Variants in ZNF787 observed in about 807,000 individuals in gnomAD.
ZNF787 encodes the protein TTF-I-interacting peptide 20.
In ZNF787, 7 loss-of-function variants were observed where a neutral mutation model predicts 16.9. The ratio of observed to expected loss-of-function variants is 0.42; its 90% CI spans 0.24 to 0.78. The LOEUF is 0.78. ZNF787 is among the 30% of genes least tolerant of loss of function. ZNF787 has a pLI of 0.30. For missense variants in ZNF787, 551 were observed against 589.3 expected (o/e 0.94, Z 0.67); for synonymous variants, 345 against 270.9 (o/e 1.27, Z -2.69).
chr19:56,114,245 G>C (rs1427948664), intron 1 of ZNF787, among the ~76,000 whole-genome samples: 1 of 152,160 alleles, frequency 6.6e-6, no homozygotes, highest in Non-Finnish European at 1.5e-5. Context: ...GACAGGCTCA[G>C]TCCTGGCCAG....
intron 1 of ZNF787, among the ~76,000 whole-genome samples, chr19:56,113,931 G>C (rs2030055753): frequency 1.3e-5 from 2 of 152,272 alleles, no homozygotes; most frequent in South Asian, 2.1e-4. Flanking sequence ...CCGGGTTCAA[G>C]GGATTCTCCT....
rs758881608 is a variant in ZNF787 at position 56,102,957 on chromosome 19, T to A, written c.79+182A>T. 5 of 726,240 alleles carry A rather than the reference T, an allele frequency of 6.9e-6. No individual in the cohort carries two copies. The South Asian group carries it at 7.3e-5, about 11-fold the overall frequency. The allele number at this position is 726,240 out of a possible 1,614,324, so 45.0% of individuals were successfully genotyped here. ...GAAAGGAAACTTGGAGCCACAACAC[T>A]AGCCCTCCCTCTACAGCCAGGAGTG... is the stretch of plus-strand genomic sequence containing the variant. On this transcript the variant is annotated intron_variant, in intron 2 of 2. Coordinates refer to ENST00000610935, the MANE Select transcript of ZNF787 (RefSeq NM_001002836.4).
chr19:56,116,275 A>G (rs1487186203), intron 1 of ZNF787, among the ~76,000 whole-genome samples: 2 of 152,102 alleles, frequency 1.3e-5, no homozygotes, highest in Non-Finnish European at 2.9e-5. Context: ...CCCCATCTCT[A>G]CTAAAAAATA....
chr19:56,117,373 C>T (rs1466332887), intron 1 of ZNF787, among the ~76,000 whole-genome samples: 2 of 151,386 alleles, frequency 1.3e-5, no homozygotes, highest in African/African-American at 4.8e-5. Context: ...CTTCCACAAG[C>T]GGAGTGGCTA....
chr19:56,088,230 C>A lies in ZNF787; in HGVS notation c.942G>T (p.Glu314Asp). The change falls in exon 3 of 3, where the codon GAG becomes GAT. Residue 314 changes from glutamate (E) to aspartate (D), a missense_variant. By Grantham distance (45) the Glu-to-Asp change is conservative (BLOSUM62 2). Transcript: ENST00000610935. The surrounding 1 kb of genome is among the most constrained non-coding windows in gnomAD (Gnocchi z 8.6). ...CGCACTCCACGCAGATGTGGGCCGG[C>A]TCCTCGCCCCCCGCCGCCCCGAGCC... Reference protein sequence around the residue: ...GDGLGAAGGEEPAHICVECGE... With the variant: ...GDGLGAAGGEDPAHICVECGE... The A allele has an allele frequency of 6.0e-6, 9 of 1,497,242 alleles. No individual in the cohort carries two copies. Among genetic ancestry groups the A allele is most frequent in the Non-Finnish European group, 8.0e-6 (9 of 1,128,774 alleles). 92.7% of individuals were successfully genotyped at this position (1,497,242 alleles called of 1,614,324 possible). A position where few individuals can be genotyped will look rare whatever the true frequency, so the allele number is the denominator to read the frequency against.
chr19:56,102,309 G>C (rs759796553), intron 2 of ZNF787: 7 of 152,744 alleles, frequency 4.6e-5, no homozygotes, highest in Admixed American at 2.0e-4. Context: ...TGCAGAAAAG[G>C]TCTGCTGAGC....
intron 2 of ZNF787, among the ~76,000 whole-genome samples, chr19:56,100,701 G>A (rs547623920): frequency 7.0e-4 from 105 of 149,654 alleles, no homozygotes; most frequent in Middle Eastern, 3.4e-3. Context: ...ACATAAGCGG[G>A]ACCCCACATG....
At chr19:56,089,183 T>TC (rs1257616158) in intron 2 of ZNF787, 91 bp from the exon 3 acceptor site, 2 of 958,136 alleles carry the variant, frequency 2.1e-6, no homozygotes, top group East Asian at 3.0e-5. Context: ...GGTGCCTCGC[T>TC]CCCCCTGGCG....
At chr19:56,090,496 G>A (rs1165090537) in intron 2 of ZNF787, among the ~76,000 whole-genome samples, 1 of 152,062 alleles carries the variant, frequency 6.6e-6, no homozygotes. Flanking sequence ...CCTGCGACCA[G>A]TAGCATCGGC....
intron 2 of ZNF787, 192 bp downstream of exon 2, chr19:56,102,947 G>T: frequency 1.4e-6 from 1 of 718,278 alleles, no homozygotes; most frequent in Non-Finnish European, 2.5e-6. Context: ...GAAACTTGGA[G>T]CCACAACACT....
At position 56,088,061 on chromosome 19, in the gene ZNF787, C is replaced by T. The variant is rs750463672; in HGVS notation, c.1111G>A (p.Gly371Arg). The T allele has an allele frequency of 1.1e-5, 16 of 1,434,934 alleles. No homozygotes were observed. The highest frequency in any genetic ancestry group is 1.1e-4 in the Admixed American group (4 of 35,944). The allele number at this position is 1,434,934 out of a possible 1,614,324, so 88.9% of individuals were successfully genotyped here. A position where few individuals can be genotyped will look rare whatever the true frequency, so the allele number is the denominator to read the frequency against. ...CCACCGCGGCACTCGGGGCACCGCC[C>T]GCCCGCGGCCTCGTCGTCGTCGTCC... is the stretch of plus-strand genomic sequence containing the variant. ...EEDDDDEAAG[G>R]RCPECRGGEG... Residue 371 changes from glycine to arginine, a missense_variant, in exon 3 of 3, where the codon GGG becomes AGG. By Grantham distance (125) the Gly-to-Arg change is moderately radical. Around this residue, in one of 4 missense-constraint regions of ZNF787, gnomAD observed 392 missense variants for 312.7 expected, o/e 1.25. Transcript: ENST00000610935. The surrounding 1 kb of genome is among the most constrained non-coding windows in gnomAD (Gnocchi z 8.6).
chr19:56,098,118 A>C (rs1985939817), intron 2 of ZNF787, among the ~76,000 whole-genome samples: 1 of 151,956 alleles, frequency 6.6e-6, no homozygotes, highest in South Asian at 2.1e-4. Context: ...CATGGAAGGA[A>C]CATGTGCCAG....
At position 56,116,311 on chromosome 19, in the gene ZNF787, G is replaced by A. The variant is rs139652563; in HGVS notation, c.-11+4861C>T. 8.7e-3 allele frequency among the ~76,000 whole-genome samples: 1,317 copies of A among 152,106 alleles called. 22 individuals carry two copies. The highest frequency in any genetic ancestry group is 0.029 in the African/African-American group (1,208 of 41,480). On this transcript the variant is annotated intron_variant, in intron 1 of 2. Coordinates refer to ENST00000610935, the MANE Select transcript of ZNF787 (RefSeq NM_001002836.4). ...CAAAAAATTAGCCAGGCATGGTGGC[G>A]GGCGCCTGTAGTCCCAGCTACCGGG...
intron 1 of ZNF787, chr19:56,103,550 C>T (rs1345362719): frequency 2.8e-5 from 10 of 351,870 alleles, no homozygotes; most frequent in Admixed American, 1.8e-4. Flanking sequence ...CGCCTCCTCG[C>T]GCCTCAGCTT....
chr19:56,090,180 C>T (rs2123388712), intron 2 of ZNF787, among the ~76,000 whole-genome samples: 1 of 152,346 alleles, frequency 6.6e-6, no homozygotes, highest in Admixed American at 6.5e-5. Flanking sequence ...AAACACCCTC[C>T]CAGATGCCAC....
intron 1 of ZNF787, among the ~76,000 whole-genome samples, chr19:56,103,853 G>A (rs1374959471): frequency 4.4e-5 from 4 of 90,262 alleles, no homozygotes; most frequent in African/African-American, 1.8e-4. Flanking sequence ...CTCTACGCAC[G>A]ACACCGCCGA....
chr19:56,117,082 C>T (rs1485247642), intron 1 of ZNF787, among the ~76,000 whole-genome samples: 2 of 152,190 alleles, frequency 1.3e-5, no homozygotes, highest in Non-Finnish European at 2.9e-5. Flanking sequence ...GCCACATGAC[C>T]TGGGCAAGGT....
rs1985351915 is a variant in ZNF787 at position 56,087,847 on chromosome 19, TAATACGCCCCAGTGCCCCCCCACGGA to T, written c.*150_*175del. On this transcript the variant is annotated 3_prime_UTR_variant, in exon 3 of 3. Coordinates refer to ENST00000610935, the MANE Select transcript of ZNF787 (RefSeq NM_001002836.4). ...TCGAGGCGGAGAAGTGAACGGGCCCTAATACGCCCCAGTGCCCCCCCACGGACGGCGCAGGGACAGAGGAGGGCGGG... is the reference window on the plus strand; with the variant it reads ...TCGAGGCGGAGAAGTGAACGGGCCCTCGGCGCAGGGACAGAGGAGGGCGGG... 2 of 1,064,394 alleles carry T rather than the reference TAATACGCCCCAGTGCCCCCCCACGGA, an allele frequency of 1.9e-6. No individual in the cohort carries two copies. Among genetic ancestry groups the T allele is most frequent in the Non-Finnish European group, 2.4e-6 (2 of 831,784 alleles). The allele number at this position is 1,064,394 out of a possible 1,614,324, so 65.9% of individuals were successfully genotyped here.
chr19:56,091,830 C>A (rs1015937764), intron 2 of ZNF787, among the ~76,000 whole-genome samples: 4 of 152,214 alleles, frequency 2.6e-5, no homozygotes, highest in Admixed American at 2.0e-4. Flanking sequence ...GCTTCACAGG[C>A]ACAGACTGGT....
Sources: gnomAD v4.1 joint callset for allele counts (sites outside exome capture counted in the v4.1 genomes callset) on GRCh38, gnomAD v4.1.1 for gene constraint, gnomAD v4.1.1 regional missense constraint, Gnocchi (gnomAD v3.1) non-coding constraint, MANE v1.5 for transcripts, NCBI Gene and HGNC (gene_info 2026-07-23, HGNC 2026-07-21) for gene names.